The following SKIC2 variants were observed in gnomAD, a reference collection of about 807,000 sequenced individuals.
SKIC2 encodes superkiller complex protein 2.
the SKIC2 span, chr6:31,962,113 C>T: frequency 6.4e-7 from 1 of 1,555,456 alleles, no homozygotes; most frequent in Non-Finnish European, 8.9e-7. The surrounding 1 kb of genome is among the most constrained non-coding windows in gnomAD (Gnocchi z 5.0). Context: ...CTCCTGCATC[C>T]TTTGAAAATC....
chr6:31,968,278 T>C, the SKIC2 span: 1 of 1,527,298 alleles, frequency 6.5e-7, no homozygotes, highest in Non-Finnish European at 9.0e-7. This position sits in a 1 kb window ranked among gnomAD's most constrained non-coding sequence, Gnocchi z 6.1. Flanking sequence ...GGGAGGCTTC[T>C]GGGGGAGAGA....
the SKIC2 span, chr6:31,966,063 G>C: frequency 2.5e-6 from 3 of 1,217,468 alleles, no homozygotes; most frequent in Non-Finnish European, 3.4e-6. This position sits in a 1 kb window ranked among gnomAD's most constrained non-coding sequence, Gnocchi z 5.9. Flanking sequence ...GACCTTGCTG[G>C]ATTCTGTCTT....
the SKIC2 span, chr6:31,962,032 C>T: frequency 6.2e-7 from 1 of 1,613,104 alleles, no homozygotes; most frequent in East Asian, 2.2e-5. This position sits in a 1 kb window ranked among gnomAD's most constrained non-coding sequence, Gnocchi z 5.0. Context: ...TGCCATTGCC[C>T]TGGCCCAGAA....
At chr6:31,961,587 C>T in the SKIC2 span, 3 of 1,613,000 alleles carry the variant, frequency 1.9e-6, no homozygotes, top group Non-Finnish European at 2.5e-6. Context: ...GCCCCAGAGC[C>T]TCCATCTCAG....
chr6:31,960,505 A>T, the SKIC2 span: 2 of 1,614,006 alleles, frequency 1.2e-6, no homozygotes, highest in Non-Finnish European at 1.7e-6. Context: ...CCAGCCTCCC[A>T]GTCCTTATGG....
chr6:31,959,456 C>T, the SKIC2 span: 3 of 1,187,918 alleles, frequency 2.5e-6, no homozygotes, highest in Non-Finnish European at 2.5e-6. Context: ...CCTCCTTCAC[C>T]CTCCTCACAG....
At chr6:31,962,830 G>C in the SKIC2 span, 1 of 1,518,946 alleles carries the variant, frequency 6.6e-7, no homozygotes, top group African/African-American at 1.4e-5. This position sits in a 1 kb window ranked among gnomAD's most constrained non-coding sequence, Gnocchi z 5.0. Flanking sequence ...GAACCCGGCA[G>C]TCCTCTCCTT....
chr6:31,962,731 G>T, the SKIC2 span: 1 of 1,612,916 alleles, frequency 6.2e-7, no homozygotes, highest in Non-Finnish European at 8.5e-7. This position sits in a 1 kb window ranked among gnomAD's most constrained non-coding sequence, Gnocchi z 5.0. Flanking sequence ...CTGTACAGTG[G>T]CTCAGATGTT....
At chr6:31,962,351 G>C in the SKIC2 span, 2 of 1,409,272 alleles carry the variant, frequency 1.4e-6, no homozygotes, top group East Asian at 2.3e-5. The surrounding 1 kb of genome is among the most constrained non-coding windows in gnomAD (Gnocchi z 5.0). Flanking sequence ...AGCTTCTGGG[G>C]CATGCTTCCA....
At chr6:31,966,793 G>A in the SKIC2 span, 1 of 1,614,184 alleles carries the variant, frequency 6.2e-7, no homozygotes. This position sits in a 1 kb window ranked among gnomAD's most constrained non-coding sequence, Gnocchi z 5.9. Flanking sequence ...CCTCAGGGTG[G>A]AGGACATGAT....
chr6:31,968,950 A>G, the SKIC2 span: 1 of 1,612,930 alleles, frequency 6.2e-7, no homozygotes, highest in Non-Finnish European at 8.5e-7. This position sits in a 1 kb window ranked among gnomAD's most constrained non-coding sequence, Gnocchi z 6.1. Context: ...ATGAGCAGCC[A>G]TGAGTTGCTC....
chr6:31,959,330 T>G, the SKIC2 span: 10 of 1,613,978 alleles, frequency 6.2e-6, no homozygotes, highest in Non-Finnish European at 8.5e-6. Context: ...GACCTACCCC[T>G]TCGGGCCGTG....
At chr6:31,959,469 G>C in the SKIC2 span, 4 of 1,083,166 alleles carry the variant, frequency 3.7e-6, no homozygotes, top group Non-Finnish European at 4.3e-6. Context: ...CCTCACAGTA[G>C]GATCTAGCTT....
the SKIC2 span, chr6:31,964,471 C>T: frequency 1.4e-6 from 1 of 694,720 alleles, no homozygotes. The surrounding 1 kb of genome is among the most constrained non-coding windows in gnomAD (Gnocchi z 5.0). Flanking sequence ...TGGATTCAGA[C>T]TACCTGGGTT....
chr6:31,965,136 G>C, the SKIC2 span, among the ~76,000 whole-genome samples: 5 of 152,066 alleles, frequency 3.3e-5, no homozygotes, highest in East Asian at 3.8e-4. The surrounding 1 kb of genome is among the most constrained non-coding windows in gnomAD (Gnocchi z 5.6). Flanking sequence ...AACAAACAAA[G>C]AAACAAACAA....
the SKIC2 span, chr6:31,962,396 T>C: frequency 6.2e-7 from 1 of 1,602,540 alleles, no homozygotes; most frequent in Non-Finnish European, 8.5e-7. This position sits in a 1 kb window ranked among gnomAD's most constrained non-coding sequence, Gnocchi z 5.0. Flanking sequence ...GTGCGGGCCA[T>C]GAGTCTGCGG....
At chr6:31,965,869 C>T in the SKIC2 span, 1 of 1,612,968 alleles carries the variant, frequency 6.2e-7, no homozygotes, top group Non-Finnish European at 8.5e-7. The surrounding 1 kb of genome is among the most constrained non-coding windows in gnomAD (Gnocchi z 5.6). Context: ...AACACGATGG[C>T]TCCACCTTCC....
chr6:31,961,828 C>T, the SKIC2 span: 2 of 1,577,070 alleles, frequency 1.3e-6, no homozygotes, highest in Admixed American at 1.7e-5. Context: ...CCTTCATCCG[C>T]CCGCCCTGCG....
chr6:31,961,898 C>G, the SKIC2 span: 10 of 1,612,618 alleles, frequency 6.2e-6, no homozygotes, highest in Non-Finnish European at 5.1e-6. Context: ...GTCTATTTCT[C>G]TCTCCCATAG....
Sources: gnomAD v4.1 joint callset for allele counts (sites outside exome capture counted in the v4.1 genomes callset) on GRCh38, gnomAD v4.1.1 for gene constraint, Gnocchi (gnomAD v3.1) non-coding constraint, MANE v1.5 for transcripts, NCBI Gene and HGNC (gene_info 2026-07-23, HGNC 2026-07-21) for gene names.